The following PDZD4 variants were observed in gnomAD, a reference collection of about 807,000 sequenced individuals.
The protein encoded by PDZD4 is PDZ domain containing 4.
Under a neutral mutation model 38.5 loss-of-function variants are expected in PDZD4, and 9 were observed. That is an observed-to-expected ratio of 0.23 (90% CI 0.14 to 0.41). The LOEUF (loss-of-function observed/expected upper bound fraction) is 0.41. Ranked by LOEUF, PDZD4 falls within the 10% of genes least tolerant of loss-of-function variation. The pLI is 1.00. For synonymous variants in PDZD4, 349 were observed against 315.7 expected, an observed-to-expected ratio of 1.11 and a Z score of -1.12; for missense variants, 612 against 722.0, an observed-to-expected ratio of 0.85 and a Z score of 1.75.
chrX:153,807,269 C>G lies in PDZD4; in HGVS notation c.405+10G>C. The G allele has an allele frequency of 1.7e-6, 2 of 1,207,572 alleles. No homozygotes were observed. The highest frequency in any genetic ancestry group is 3.5e-5 in the South Asian group (2 of 56,352). Reference sequence around the variant, plus strand: ...CTGGCTGCGGGCCCTGGCCTGGCCACCCGGCTCACCTCATACTCCAGCTCA... The same window carrying G: ...CTGGCTGCGGGCCCTGGCCTGGCCAGCCGGCTCACCTCATACTCCAGCTCA... On this transcript the variant is annotated intron_variant, in intron 3 of 7. Transcript: ENST00000393758.
At chrX:153,816,250 G>C (rs2064360850) in intron 1 of PDZD4, among the ~76,000 whole-genome samples, 1 of 107,521 alleles carries the variant, frequency 9.3e-6, no homozygotes, top group South Asian at 4.5e-4. Flanking sequence ...GTGCGGCAGG[G>C]ACCAAGCTCT....
Position 153,804,555 on chromosome X carries a change from C to G in PDZD4, c.1126G>C (p.Gly376Arg), listed in dbSNP as rs144109992. 1.2e-5 allele frequency: 15 copies of G among 1,208,401 alleles called. No homozygotes were observed. The highest frequency in any genetic ancestry group is 1.7e-5 in the Non-Finnish European group (15 of 895,176). ...GGAAAGAGGAGGCCCAGCTGGTTGC[C>G]GTTCTCCAGGTGGCACTTGATCTCC... ...LLEIKCHLEN[G>R]NQLGLLFPRA... The change falls in exon 8 of 8, where the codon GGC becomes CGC. Residue 376 changes from glycine (G) to arginine (R), a missense_variant. Gly to Arg is a moderately radical substitution (Grantham distance 125). Coordinates refer to ENST00000393758, the MANE Select transcript of PDZD4 (RefSeq NM_001303512.2).
At chrX:153,821,698 T>A (rs925289975) in intron 1 of PDZD4, among the ~76,000 whole-genome samples, 1 of 111,083 alleles carries the variant, frequency 9.0e-6, no homozygotes, top group Non-Finnish European at 1.9e-5. Flanking sequence ...AGGGTGGCGC[T>A]GTACTGACTC....
chrX:153,805,054 TCTC>T (rs1418174725), intron 7 of PDZD4, 40 bp downstream of exon 7: 3 of 1,174,095 alleles, frequency 2.6e-6, no homozygotes, highest in African/African-American at 3.5e-5. Context: ...CACCCAGTTC[TCTC>T]CTCCTCGCCC....
At position 153,805,136 on chromosome X, in the gene PDZD4, C is replaced by G. The variant is rs782497692; in HGVS notation, c.741G>C (p.Glu247Asp). 2.5e-6 allele frequency: 3 copies of G among 1,209,727 alleles called. No individual in the cohort carries two copies. The highest frequency in any genetic ancestry group is 3.4e-6 in the Non-Finnish European group (3 of 895,046). The change falls in exon 7 of 8, where the codon GAG becomes GAC. Residue 247 changes from glutamate (E) to aspartate (D), a missense_variant. Transcript: ENST00000393758. ...LDDFGSENEG[E>D]LRARKLKSPP... is the part of the protein sequence containing the mutation. Reference sequence around the variant, plus strand: ...GTGATTTCAGTTTACGAGCACGCAGCTCCCCCTCATTCTCAGAGCCAAAGT... The same window carrying G: ...GTGATTTCAGTTTACGAGCACGCAGGTCCCCCTCATTCTCAGAGCCAAAGT...
At chrX:153,827,492 C>G (rs1557082773) in intron 1 of PDZD4, among the ~76,000 whole-genome samples, 2 of 112,099 alleles carry the variant, frequency 1.8e-5, no homozygotes, top group Non-Finnish European at 3.8e-5. Flanking sequence ...CATCAACTGA[C>G]GAATGGATAA....
In PDZD4 at chrX:153,802,625, T is replaced by C. The variant is rs2092179626; in HGVS notation, c.*728A>G. 2 of 111,116 alleles carry C rather than the reference T, an allele frequency of 1.8e-5. No individual in the cohort carries two copies. The highest frequency in any genetic ancestry group is 4.6e-3 in the Middle Eastern group (1 of 217). The allele number at this position is 111,116 out of a possible 1,213,427, so 9.2% of individuals were successfully genotyped here. A position where few individuals can be genotyped will look rare whatever the true frequency, so the allele number is the denominator to read the frequency against. On this transcript the variant is annotated 3_prime_UTR_variant, in exon 8 of 8. Coordinates refer to ENST00000393758, the MANE Select transcript of PDZD4 (RefSeq NM_001303512.2). Reference sequence around the variant, plus strand: ...CAGGTGCCCCCCAGAGGCTCCCCGTTCCCACACCTCAGAGTGGAAGCCACC... The same window carrying C: ...CAGGTGCCCCCCAGAGGCTCCCCGTCCCCACACCTCAGAGTGGAAGCCACC...
chrX:153,808,248 G>A (rs1557077792), intron 2 of PDZD4, 94 bp downstream of exon 2: 2 of 1,094,100 alleles, frequency 1.8e-6, no homozygotes, highest in Non-Finnish European at 1.2e-6. Flanking sequence ...CGAGGGGCCT[G>A]CTTCCTGCCC....
At chrX:153,808,258 C>T (rs1557077794) in intron 2 of PDZD4, 84 bp downstream of exon 2, 3 of 1,108,439 alleles carry the variant, frequency 2.7e-6, no homozygotes, top group Admixed American at 3.2e-5. Context: ...GCTTCCTGCC[C>T]GAGAGGGTGG....
intron 1 of PDZD4, among the ~76,000 whole-genome samples, chrX:153,823,784 C>T (rs929865000): frequency 2.0e-4 from 22 of 112,583 alleles, no homozygotes; most frequent in African/African-American, 6.8e-4. Flanking sequence ...CTCTTCACTG[C>T]CATTTCACAG....
At chrX:153,806,001 T>C in intron 5 of PDZD4, 70 bp downstream of exon 5, 1 of 1,112,437 alleles carries the variant, frequency 9.0e-7, no homozygotes, top group Non-Finnish European at 1.2e-6. Context: ...AGGGACTGGC[T>C]AAAGAGAGGT....
rs1436634328 is a variant in PDZD4, at chrX:153,803,225, G to C, written c.*128C>G. 2.9e-6 allele frequency: 1 copy of C among 346,607 alleles called. No individual in the cohort carries two copies. The highest frequency in any genetic ancestry group is 4.5e-6 in the Non-Finnish European group (1 of 224,271). 28.6% of individuals were successfully genotyped at this position (346,607 alleles called of 1,213,427 possible). ...AGCCCTGTGCGCACACCCAGACGAG[G>C]AGATGTGTGCGTGCGCACAGCGAGC... On this transcript the variant is annotated 3_prime_UTR_variant, in exon 8 of 8. Coordinates refer to ENST00000393758, the MANE Select transcript of PDZD4 (RefSeq NM_001303512.2).
At chrX:153,822,083 G>A (rs377400520) in intron 1 of PDZD4, among the ~76,000 whole-genome samples, 91 of 108,104 alleles carry the variant, frequency 8.4e-4, no homozygotes, top group African/African-American at 2.8e-3. Flanking sequence ...CCAGCTACTC[G>A]GGAGGCTGAG....
chrX:153,816,594 A>G (rs1205588352), intron 1 of PDZD4, among the ~76,000 whole-genome samples: 7 of 111,518 alleles, frequency 6.3e-5, no homozygotes, highest in African/African-American at 1.3e-4. Flanking sequence ...CGGTGGATCC[A>G]GAACACACCC....
chrX:153,803,373 G>A lies in PDZD4; in HGVS notation c.2308C>T (p.Leu770Phe). The change falls in exon 8 of 8, where the codon CTC becomes TTC. Residue 770 changes from leucine to phenylalanine, a missense_variant. Physicochemically the swap from Leu to Phe is conservative, Grantham distance 22. Transcript: ENST00000393758. ...ADGKRVYNPL[L>F]SVTTV is the part of the protein sequence containing the mutation. ...GCAGCTCACACGGTGGTGACTGAGAGAAGAGGGTTGTAGACCCGCTTGCCA... is the reference window on the plus strand; with the variant it reads ...GCAGCTCACACGGTGGTGACTGAGAAAAGAGGGTTGTAGACCCGCTTGCCA... The A allele has an allele frequency of 8.8e-7, 1 of 1,137,257 alleles. No individual in the cohort carries two copies. Among genetic ancestry groups the A allele is most frequent in the East Asian group, 3.0e-5 (1 of 33,028 alleles). 93.7% of individuals were successfully genotyped at this position (1,137,257 alleles called of 1,213,427 possible).
intron 1 of PDZD4, among the ~76,000 whole-genome samples, chrX:153,815,335 C>G (rs1438001382): frequency 1.8e-5 from 2 of 112,380 alleles, no homozygotes; most frequent in Non-Finnish European, 3.8e-5. Context: ...CAGCCCAGTT[C>G]CCCTTTGCAC....
chrX:153,828,459 C>T (rs2064504736), intron 1 of PDZD4, among the ~76,000 whole-genome samples: 2 of 112,913 alleles, frequency 1.8e-5, no homozygotes, highest in South Asian at 7.1e-4. Context: ...GGCCCTCCTC[C>T]TGGCGGGTCT....
intron 1 of PDZD4, among the ~76,000 whole-genome samples, chrX:153,828,111 C>T (rs1419219562): frequency 9.0e-6 from 1 of 111,563 alleles, no homozygotes; most frequent in Non-Finnish European, 1.9e-5. Context: ...GATGGGGGAG[C>T]ACCCGTGTTT....
chrX:153,812,667 C>G (rs1256226974), intron 1 of PDZD4, among the ~76,000 whole-genome samples: 2 of 111,069 alleles, frequency 1.8e-5, no homozygotes, highest in Non-Finnish European at 3.8e-5. Flanking sequence ...AAATGAGCTC[C>G]CCTCTGGGGA....
Sources: gnomAD v4.1 joint callset for allele counts (sites outside exome capture counted in the v4.1 genomes callset) on GRCh38, gnomAD v4.1.1 for gene constraint, MANE v1.5 for transcripts, NCBI Gene and HGNC (gene_info 2026-07-23, HGNC 2026-07-21) for gene names.